HIVEP1: variants seen among roughly 807,000 people sequenced by gnomAD.
HIVEP1 encodes HIVEP zinc finger 1.
Under a neutral mutation model 180.0 loss-of-function variants are expected in HIVEP1, and 36 were observed. The observed-to-expected ratio is 0.20, with a 90% CI of 0.15 to 0.26. The LOEUF (loss-of-function observed/expected upper bound fraction) is 0.26, where lower values mean the gene tolerates loss of function less well. Ranked by LOEUF, HIVEP1 falls within the 10% of genes least tolerant of loss-of-function variation. The pLI is 1.00. For synonymous variants in HIVEP1, 1,239 were observed against 1,239.0 expected (o/e 1.00, Z 0.00); for missense variants, 3,143 against 3,268.7 (o/e 0.96, Z 0.94).
chr6:12,027,694 A>G (rs920200248), intron 2 of HIVEP1, among the ~76,000 whole-genome samples: 1 of 152,216 alleles, frequency 6.6e-6, no homozygotes, highest in Admixed American at 6.5e-5. Context: ...TGAGCCCTAC[A>G]AGGAAGGTCT....
the HIVEP1 span, among the ~76,000 whole-genome samples, chr6:12,211,258 G>A: frequency 2.1e-5 from 2 of 97,428 alleles, no homozygotes; most frequent in African/African-American, 1.0e-4. Flanking sequence ...AAATTAGCCG[G>A]GCGTGGTGGC....
intron 3 of HIVEP1, among the ~76,000 whole-genome samples, chr6:12,104,396 T>TTTTCTC (rs1554142983): frequency 7.9e-6 from 1 of 126,582 alleles, no homozygotes; most frequent in African/African-American, 2.9e-5. Context: ...CTCTCTTCGT[T>TTTTCTC]TCTCTCTCTC....
At chr6:12,181,353 C>A in the HIVEP1 span, among the ~76,000 whole-genome samples, 2 of 151,628 alleles carry the variant, frequency 1.3e-5, no homozygotes, top group African/African-American at 4.8e-5. Flanking sequence ...GAGTGAGACT[C>A]CGTCTCAAAA....
At position 12,125,201 on chromosome 6, in the gene HIVEP1, T is replaced by G. The variant is rs747908956; in HGVS notation, c.5406T>G (p.Val1802=). 6.2e-7 allele frequency: 1 copy of G among 1,614,160 alleles called. No individual in the cohort carries two copies. Among genetic ancestry groups the G allele is most frequent in the Non-Finnish European group, 8.5e-7 (1 of 1,180,026 alleles). The change falls in exon 4 of 9, where the codon GTT becomes GTG. Residue 1802 remains valine (V), a synonymous_variant. Coordinates refer to ENST00000379388, the MANE Select transcript of HIVEP1 (RefSeq NM_002114.4). Reference sequence around the variant, plus strand: ...AGAAGCCTATTTTAGTGAGACAGGTTTGTACTACAGAGCCCCTGGACGGTG... The same window carrying G: ...AGAAGCCTATTTTAGTGAGACAGGTGTGTACTACAGAGCCCCTGGACGGTG... ...KQKKPILVRQ[V]CTTEPLDGVM...
chr6:12,060,773 A>C (rs1013389362), intron 2 of HIVEP1, among the ~76,000 whole-genome samples: 1 of 152,168 alleles, frequency 6.6e-6, no homozygotes, highest in African/African-American at 2.4e-5. Flanking sequence ...TGATTTTCCT[A>C]AGTTGCTTTC....
upstream of HIVEP1, among the ~76,000 whole-genome samples, chr6:12,010,381 C>T (rs538225250): frequency 6.6e-6 from 1 of 152,168 alleles, no homozygotes; most frequent in Admixed American, 6.5e-5. Flanking sequence ...TTAATCATTC[C>T]CATTCTGGTG....
chr6:12,118,362 G>T (rs2113495338), intron 3 of HIVEP1, among the ~76,000 whole-genome samples: 1 of 152,230 alleles, frequency 6.6e-6, no homozygotes, highest in East Asian at 1.9e-4. Flanking sequence ...AAATAGTGGA[G>T]AATTAAGTAG....
chr6:12,150,056 G>C (rs531551363), intron 7 of HIVEP1, among the ~76,000 whole-genome samples: 1 of 152,178 alleles, frequency 6.6e-6, no homozygotes, highest in Admixed American at 6.5e-5. Flanking sequence ...TTAAAATGTG[G>C]ACATTCGGCA....
intron 3 of HIVEP1, among the ~76,000 whole-genome samples, chr6:12,104,896 A>C (rs1774337605): frequency 6.6e-6 from 1 of 152,120 alleles, no homozygotes; most frequent in African/African-American, 2.4e-5. Flanking sequence ...TTAAGTAAGC[A>C]CATTTATTTT....
intron 7 of HIVEP1, among the ~76,000 whole-genome samples, chr6:12,139,900 TG>T (rs1758917561): frequency 6.6e-6 from 1 of 152,240 alleles, no homozygotes; most frequent in Non-Finnish European, 1.5e-5. Context: ...TCTCCACCTC[TG>T]GGGGCAGGGC....
At chr6:12,155,251 C>T (rs896588082) in intron 7 of HIVEP1, among the ~76,000 whole-genome samples, 9 of 152,028 alleles carry the variant, frequency 5.9e-5, no homozygotes, top group Admixed American at 1.3e-4. Context: ...GAGATGTGTT[C>T]TTTTTTTTCT....
Position 12,163,450 on chromosome 6 carries a change from C to T in HIVEP1, c.7146C>T (p.Ser2382=). ...GLPSPHTHLF[S]HLPLHSQQQS... ...CTTCTCCCCACACTCATTTGTTTAGCCACCTTCCTTTGCATTCCCAGCAGC... is the reference window on the plus strand; with the variant it reads ...CTTCTCCCCACACTCATTTGTTTAGTCACCTTCCTTTGCATTCCCAGCAGC... The change falls in exon 9 of 9, where the codon AGC becomes AGT. Residue 2382 remains serine, a synonymous_variant. Transcript: ENST00000379388. 1.9e-6 allele frequency: 3 copies of T among 1,614,160 alleles called. No individual in the cohort carries two copies. The highest frequency in any genetic ancestry group is 2.5e-6 in the Non-Finnish European group (3 of 1,180,014).
chr6:12,195,125 T>C, the HIVEP1 span, among the ~76,000 whole-genome samples: 1 of 152,232 alleles, frequency 6.6e-6, no homozygotes, highest in Admixed American at 6.5e-5. Flanking sequence ...TACGTTTTCA[T>C]CTCTGACTCC....
intron 2 of HIVEP1, among the ~76,000 whole-genome samples, chr6:12,033,795 T>C (rs7741598): frequency 0.15 from 22,474 of 152,260 alleles, 1,718 homozygotes; most frequent in Admixed American, 0.19. Flanking sequence ...ACACTTCTTG[T>C]TCCTTGGAAA....
chr6:12,020,564 G>A (rs1000902227), intron 2 of HIVEP1: 1 of 397,784 alleles, frequency 2.5e-6, no homozygotes, highest in Non-Finnish European at 5.2e-6. Flanking sequence ...TGACTTGCAG[G>A]GGGTTCCATG....
chr6:12,201,695 A>G, the HIVEP1 span, among the ~76,000 whole-genome samples: 1 of 152,206 alleles, frequency 6.6e-6, no homozygotes, highest in African/African-American at 2.4e-5. Context: ...TATGGATTGT[A>G]TACTCTCAGA....
intron 7 of HIVEP1, among the ~76,000 whole-genome samples, chr6:12,145,750 T>A (rs563301739): frequency 2.0e-5 from 3 of 152,194 alleles, no homozygotes; most frequent in South Asian, 4.1e-4. Context: ...CAGACACTTG[T>A]GTGCGTGTTT....
chr6:12,153,821 A>G (rs1028077188), intron 7 of HIVEP1, among the ~76,000 whole-genome samples: 22 of 152,136 alleles, frequency 1.4e-4, no homozygotes, highest in African/African-American at 5.3e-4. Flanking sequence ...GTGCAAGCTT[A>G]TGTGAGAGAA....
chr6:12,163,292 T>G lies in HIVEP1; in HGVS notation c.6988T>G (p.Ser2330Ala). The change falls in exon 9 of 9, where the codon TCT becomes GCT. Residue 2330 changes from serine to alanine, a missense_variant. Physicochemically the swap from Ser to Ala is moderately conservative, Grantham distance 99. This residue lies in a region of HIVEP1 where 595 missense variants were observed against 602.2 expected (regional missense o/e 0.99). Coordinates refer to ENST00000379388, the MANE Select transcript of HIVEP1 (RefSeq NM_002114.4). ...CTCTCTTGTCATTTAGAGCCCATCA[T>G]CTGTAAGACTTCCTCCTGCTGCAGC... ...KAVAITQSPS[S>A]VRLPPAAAEH... is the part of the protein sequence containing the mutation. The G allele has an allele frequency of 1.2e-6, 2 of 1,613,244 alleles. No homozygotes were observed. Among genetic ancestry groups the G allele is most frequent in the Non-Finnish European group, 1.7e-6 (2 of 1,179,426 alleles).
Sources: gnomAD v4.1 joint callset for allele counts (sites outside exome capture counted in the v4.1 genomes callset) on GRCh38, gnomAD v4.1.1 for gene constraint, gnomAD v4.1.1 regional missense constraint, MANE v1.5 for transcripts, NCBI Gene and HGNC (gene_info 2026-07-23, HGNC 2026-07-21) for gene names.